FBXL20: variants seen among roughly 807,000 people sequenced by gnomAD.
FBXL20 encodes the protein F-box and leucine rich repeat protein 20, also known as F-box/LRR-repeat protein 20.
FBXL20 carries 11 observed loss-of-function variants against 64.0 expected under a neutral mutation model. The observed-to-expected ratio is 0.17, with a 90% CI of 0.11 to 0.28. FBXL20 has a LOEUF of 0.28. Ranked by LOEUF, FBXL20 falls within the 10% of genes least tolerant of loss-of-function variation. The pLI is 1.00. For synonymous variants in FBXL20, 184 were observed against 189.0 expected, an observed-to-expected ratio of 0.97 and a Z score of 0.22; for missense variants, 303 against 526.2, an observed-to-expected ratio of 0.58 and a Z score of 4.15.
intron 14 of FBXL20, among the ~76,000 whole-genome samples, chr17:39,262,807 G>A (rs2046758627): frequency 6.6e-6 from 1 of 150,950 alleles, no homozygotes; most frequent in Non-Finnish European, 1.5e-5. Context: ...GACCATCCTG[G>A]CTAACACGGT....
intron 2 of FBXL20, among the ~76,000 whole-genome samples, chr17:39,327,794 G>A (rs536803660): frequency 4.6e-5 from 7 of 151,978 alleles, no homozygotes; most frequent in East Asian, 2.0e-4. Context: ...TCCACCTCCC[G>A]GGTTCATGCC....
chr17:39,297,421 G>A (rs620301), intron 5 of FBXL20: 192,955 of 312,738 alleles, frequency 0.62, 61,673 homozygotes, highest in African/African-American at 0.87. Context: ...AGGTTGGTGA[G>A]AAGTAATCGC....
intron 1 of FBXL20, among the ~76,000 whole-genome samples, chr17:39,370,255 C>A (rs536906539): frequency 1.3e-5 from 2 of 151,556 alleles, no homozygotes; most frequent in South Asian, 4.2e-4. Context: ...CTTTGGGAGG[C>A]CGGGGCGGGC....
intron 8 of FBXL20, among the ~76,000 whole-genome samples, chr17:39,282,072 A>C (rs1343259310): frequency 6.6e-6 from 1 of 152,224 alleles, no homozygotes; most frequent in East Asian, 1.9e-4. Flanking sequence ...TCGTGATAAA[A>C]GAATCAGGGC....
In FBXL20 at chr17:39,259,834, T is replaced by C. The variant is rs543292089; in HGVS notation, c.*1626A>G. On this transcript the variant is annotated 3_prime_UTR_variant, in exon 15 of 15. Coordinates refer to ENST00000264658, the MANE Select transcript of FBXL20 (RefSeq NM_032875.3). ...CCCATCTCTACTAAAAATACAAAAA[T>C]TAGCCAGGCAGTAGTGGTGCATGCC... The C allele has an allele frequency of 1.2e-4, 18 of 151,636 alleles. No homozygotes were observed. Among genetic ancestry groups the C allele is most frequent in the African/African-American group, 3.9e-4 (16 of 41,344 alleles). The allele number at this position is 151,636 out of a possible 1,614,324, so 9.4% of individuals were successfully genotyped here.
At chr17:39,338,202 C>T (rs1473204560) in intron 2 of FBXL20, among the ~76,000 whole-genome samples, 2 of 152,186 alleles carry the variant, frequency 1.3e-5, no homozygotes, top group African/African-American at 2.4e-5. Context: ...AAGAAAAGTT[C>T]TTCTGCCTTG....
chr17:39,278,055 T>C (rs962761360), intron 9 of FBXL20, among the ~76,000 whole-genome samples: 3 of 152,220 alleles, frequency 2.0e-5, no homozygotes, highest in Non-Finnish European at 2.9e-5. Flanking sequence ...CAAATGTACA[T>C]ATTTATGTCT....
At chr17:39,278,749 T>C (rs2046922378) in intron 9 of FBXL20, among the ~76,000 whole-genome samples, 1 of 52 alleles carries the variant, frequency 0.019, no homozygotes, top group Non-Finnish European at 0.045. Context: ...GGTTTCACCA[T>C]GTTGCAGGCT....
At chr17:39,348,084 G>A (rs886154307) in intron 1 of FBXL20, among the ~76,000 whole-genome samples, 4 of 113,634 alleles carry the variant, frequency 3.5e-5, no homozygotes, top group African/African-American at 5.6e-5. Context: ...GGTTGGGTTC[G>A]TCTTTTTTTT....
At chr17:39,400,674 TC>T (rs1007673615) in intron 1 of FBXL20, among the ~76,000 whole-genome samples, 4 of 152,138 alleles carry the variant, frequency 2.6e-5, no homozygotes, top group African/African-American at 9.7e-5. Flanking sequence ...ACAGTAAACC[TC>T]CCTCGCTAGA....
chr17:39,335,459 T>C lies in FBXL20; in HGVS notation c.104+7721A>G, dbSNP rs573090777. ...ATTAGCCAGGCATGGTGGCACGTGC[T>C]GTAGTCCTAGCTACTTGGGAGGCTG... is the stretch of plus-strand genomic sequence containing the variant. On this transcript the variant is annotated intron_variant, in intron 2 of 14. Coordinates refer to ENST00000264658, the MANE Select transcript of FBXL20 (RefSeq NM_032875.3). Among the ~76,000 whole-genome samples the C allele has an allele frequency of 6.0e-4, 91 of 152,032 alleles. 1 individual carries two copies. Among genetic ancestry groups the C allele is most frequent in the African/African-American group, 1.7e-3 (71 of 41,464 alleles).
At chr17:39,306,281 G>T (rs2047182397) in intron 2 of FBXL20, among the ~76,000 whole-genome samples, 1 of 151,784 alleles carries the variant, frequency 6.6e-6, no homozygotes, top group South Asian at 2.1e-4. Flanking sequence ...CTTCCGAGTA[G>T]CTGGGATTAC....
At chr17:39,270,698 T>C in intron 11 of FBXL20, 98 bp downstream of exon 11, 1 of 1,020,228 alleles carries the variant, frequency 9.8e-7, no homozygotes, top group Non-Finnish European at 1.5e-6. Context: ...CCAATTCTGC[T>C]ACCATTTCAC....
chr17:39,326,394 T>C (rs1348966710), intron 2 of FBXL20, among the ~76,000 whole-genome samples: 1 of 151,898 alleles, frequency 6.6e-6, no homozygotes, highest in Non-Finnish European at 1.5e-5. Context: ...GTACAGTGGC[T>C]CATACCTGTA....
At position 39,261,284 on chromosome 17, in the gene FBXL20, A is replaced by C. The variant is rs1051205372; in HGVS notation, c.*176T>G. ...TCCCATGGTCACAAAGCTAGAGTGG[A>C]TGGGGGTAAGGGTGTGTATGTGTAT... On this transcript the variant is annotated 3_prime_UTR_variant, in exon 15 of 15. Coordinates refer to ENST00000264658, the MANE Select transcript of FBXL20 (RefSeq NM_032875.3). The C allele has an allele frequency of 7.2e-6, 4 of 556,522 alleles. No individual in the cohort carries two copies. The highest frequency in any genetic ancestry group is 1.3e-5 in the Non-Finnish European group (4 of 308,134). The allele number at this position is 556,522 out of a possible 1,614,324, so 34.5% of individuals were successfully genotyped here. A position where few individuals can be genotyped will look rare whatever the true frequency, so the allele number is the denominator to read the frequency against.
intron 14 of FBXL20, among the ~76,000 whole-genome samples, chr17:39,263,458 T>G (rs935155095): frequency 6.6e-6 from 1 of 152,104 alleles, no homozygotes; most frequent in African/African-American, 2.4e-5. Flanking sequence ...GAGGTTGCAG[T>G]GAGCCAACAT....
intron 9 of FBXL20, among the ~76,000 whole-genome samples, chr17:39,277,481 G>T (rs2046909078): frequency 6.6e-6 from 1 of 152,116 alleles, no homozygotes; most frequent in African/African-American, 2.4e-5. Context: ...TGTAGGCCAG[G>T]CACGGTGGCT....
intron 1 of FBXL20, among the ~76,000 whole-genome samples, chr17:39,359,954 T>C (rs1453276088): frequency 1.3e-5 from 2 of 152,082 alleles, no homozygotes; most frequent in East Asian, 3.8e-4. Flanking sequence ...AATTATTACA[T>C]ACAGAATTAA....
intron 2 of FBXL20, among the ~76,000 whole-genome samples, chr17:39,315,868 A>G (rs111622577): frequency 7.4e-4 from 107 of 144,586 alleles, no homozygotes; most frequent in Middle Eastern, 3.5e-3. Context: ...AGAGAGAGAG[A>G]GAGCAACTGT....
Sources: gnomAD v4.1 joint callset for allele counts (sites outside exome capture counted in the v4.1 genomes callset) on GRCh38, gnomAD v4.1.1 for gene constraint, MANE v1.5 for transcripts, NCBI Gene and HGNC (gene_info 2026-07-23, HGNC 2026-07-21) for gene names.